ADGRG4: variants seen among roughly 807,000 people sequenced by gnomAD.
ADGRG4 encodes G protein-coupled receptor 112.
In ADGRG4, 122 loss-of-function variants were observed where a neutral mutation model predicts 126.2. That is an observed-to-expected ratio of 0.97 (90% CI 0.83 to 1.12). ADGRG4 has a LOEUF of 1.12. ADGRG4 is among the 50% of genes most tolerant of loss of function. ADGRG4 has a pLI of 0.00. For synonymous variants in ADGRG4, 943 were observed against 838.7 expected (o/e 1.12, Z -2.15); for missense variants, 2,481 against 2,251.8 (o/e 1.10, Z -2.06).
chrX:136,349,398 A>G lies in ADGRG4; in HGVS notation c.5692A>G (p.Thr1898Ala). 3 of 1,200,994 alleles carry G rather than the reference A, an allele frequency of 2.5e-6. No homozygotes were observed. Among genetic ancestry groups the G allele is most frequent in the Non-Finnish European group, 3.4e-6 (3 of 886,384 alleles). ...AEGSQFPIST[T>A]INVPTSNEME... is the part of the protein sequence containing the mutation. ...AGGTTCTCAGTTTCCAATTTCCACC[A>G]CTATTAATGTACCTACATCCAATGA... Residue 1898 changes from threonine to alanine, a missense_variant, in exon 6 of 26, where the codon ACT becomes GCT. Coordinates refer to ENST00000394143, the MANE Select transcript of ADGRG4 (RefSeq NM_153834.4).
rs1603299985 is a variant in ADGRG4 at position 136,395,409 on chromosome X, T to C, written c.8100T>C (p.Asn2700=). The C allele has an allele frequency of 2.5e-6, 3 of 1,198,433 alleles. No homozygotes were observed. Among genetic ancestry groups the C allele is most frequent in the Non-Finnish European group, 3.4e-6 (3 of 884,455 alleles). Residue 2700 remains asparagine (N), a synonymous_variant, in exon 19 of 26, where the codon AAT becomes AAC. Transcript: ENST00000394143. The stretch of plus-strand genomic sequence containing the variant: ...CTACAGATGGGCTGGGTGGATGGAA[T>C]TCGTCAGGCTGTAAAGTAAAGGAAA... ...FENNNGLGGW[N]SSGCKVKETN...
chrX:136,383,041 G>A (rs1220940342), intron 15 of ADGRG4, among the ~76,000 whole-genome samples: 3 of 110,506 alleles, frequency 2.7e-5, no homozygotes, highest in African/African-American at 1.0e-4. Context: ...GGGAAAAAAA[G>A]TACCATATAT....
chrX:136,315,171 G>A (rs1286992779), intron 4 of ADGRG4, among the ~76,000 whole-genome samples: 2 of 110,167 alleles, frequency 1.8e-5, no homozygotes, highest in Non-Finnish European at 3.8e-5. Flanking sequence ...GAAAGTGTGG[G>A]CAGTGGGTGG....
At chrX:136,385,399 A>T (rs141919505) in intron 15 of ADGRG4, among the ~76,000 whole-genome samples, 1,796 of 112,196 alleles carry the variant, frequency 0.016, 30 homozygotes, top group African/African-American at 0.055. Flanking sequence ...CCTTAAATAC[A>T]CACAATAAAA....
intron 21 of ADGRG4, among the ~76,000 whole-genome samples, chrX:136,402,112 G>C (rs768099739): frequency 8.9e-6 from 1 of 112,185 alleles, no homozygotes; most frequent in South Asian, 3.8e-4. Context: ...AGGAAAATAG[G>C]TATTAATATC....
intron 16 of ADGRG4, among the ~76,000 whole-genome samples, chrX:136,390,479 G>A (rs1486180985): frequency 1.8e-5 from 2 of 111,599 alleles, no homozygotes; most frequent in Non-Finnish European, 3.8e-5. Flanking sequence ...GGGGCTCTGG[G>A]TGCATAGAAG....
chrX:136,343,932 C>T lies in ADGRG4; in HGVS notation c.686-460C>T, dbSNP rs376708349. ...AAAGTGATGGAGCCAGCATTTAAAA[C>T]TAATCCATTTGAATCTAAGGTTGAT... On this transcript the variant is annotated intron_variant, in intron 5 of 25. Transcript: ENST00000394143. Among the ~76,000 whole-genome samples, 3 of 112,018 alleles carry T rather than the reference C, an allele frequency of 2.7e-5. No homozygotes were observed. The East Asian group carries it at 8.4e-4, about 31-fold the overall frequency.
chrX:136,348,873 A>G lies in ADGRG4; in HGVS notation c.5167A>G (p.Asn1723Asp), dbSNP rs772858032. ...TTLGILSGIT[N>D]RSLSTVNSGT... ...TTTGGGCATATTATCTGGGATTACT[A>G]ACAGGTCCCTATCTACTGTGAACAG... Residue 1723 changes from asparagine (N) to aspartate (D), a missense_variant, in exon 6 of 26, where the codon AAC (asparagine) becomes GAC (aspartate). Physicochemically the swap from Asn to Asp is conservative, Grantham distance 23. Transcript: ENST00000394143. 5 of 1,205,311 alleles carry G rather than the reference A, an allele frequency of 4.1e-6. No homozygotes were observed. In the African/African-American group the frequency reaches 8.8e-5, roughly 21 times the overall value.
rs779581627 is a variant in ADGRG4, at chrX:136,349,308, A to G, written c.5602A>G (p.Thr1868Ala). ...AATGGTTGAATTTCCAGTTCTGGGA[A>G]CAAGAATGACATCTAGTAATACCCA... ...SQMVEFPVLG[T>A]RMTSSNTQPL... Residue 1868 changes from threonine to alanine, a missense_variant, in exon 6 of 26, where the codon ACA (threonine) becomes GCA (alanine). Transcript: ENST00000394143. 56 of 1,207,195 alleles carry G rather than the reference A, an allele frequency of 4.6e-5. No individual in the cohort carries two copies. The South Asian group carries it at 8.1e-4, about 17-fold the overall frequency.
intron 18 of ADGRG4, among the ~76,000 whole-genome samples, chrX:136,394,861 C>T: frequency 1.8e-5 from 2 of 111,896 alleles, no homozygotes. Context: ...TAGTTCTAAA[C>T]CTGAGTGTGC....
At chrX:136,402,004 T>C (rs1309130757) in intron 21 of ADGRG4, among the ~76,000 whole-genome samples, 1 of 112,284 alleles carries the variant, frequency 8.9e-6, no homozygotes, top group East Asian at 2.8e-4. Context: ...GTGTGGTCTA[T>C]GTGGATACAT....
chrX:136,410,333 T>C (rs1244560985), intron 23 of ADGRG4, among the ~76,000 whole-genome samples: 1 of 111,713 alleles, frequency 9.0e-6, no homozygotes, highest in Non-Finnish European at 1.9e-5. Flanking sequence ...CTTCTGTTTG[T>C]CATCTTCCTC....
At chrX:136,364,812 T>A (rs1357349650) in intron 13 of ADGRG4, among the ~76,000 whole-genome samples, 1 of 111,809 alleles carries the variant, frequency 8.9e-6, no homozygotes, top group Non-Finnish European at 1.9e-5. Context: ...CAAAAGAGAT[T>A]CAAAATAAAG....
In ADGRG4 at chrX:136,388,010, C is replaced by T. The variant is rs1270137384; in HGVS notation, c.7911+136C>T. 1.1e-5 allele frequency: 6 copies of T among 555,545 alleles called. No individual in the cohort carries two copies. In the East Asian group the frequency reaches 2.2e-4, roughly 20 times the overall value. 45.8% of individuals were successfully genotyped at this position (555,545 alleles called of 1,213,427 possible). On this transcript the variant is annotated intron_variant, in intron 16 of 25. Transcript: ENST00000394143. ...ATTCCACAAGTCTTCCAACACAACC[C>T]CTGCCCCTTAACATGAATCAACGTC...
chrX:136,384,285 T>G (rs775156507), intron 15 of ADGRG4, among the ~76,000 whole-genome samples: 6 of 111,096 alleles, frequency 5.4e-5, no homozygotes, highest in African/African-American at 9.8e-5. Flanking sequence ...TACTTAGAGT[T>G]AATATTGTAC....
At chrX:136,362,721 A>G (rs933629141) in intron 12 of ADGRG4, among the ~76,000 whole-genome samples, 7 of 111,311 alleles carry the variant, frequency 6.3e-5, no homozygotes, top group Non-Finnish European at 1.3e-4. Flanking sequence ...TTGGGGGAAG[A>G]GATTTTTCTC....
intron 23 of ADGRG4, among the ~76,000 whole-genome samples, chrX:136,409,348 G>A (rs2075433371): frequency 8.9e-6 from 1 of 111,955 alleles, no homozygotes; most frequent in African/African-American, 3.2e-5. Flanking sequence ...AAAGGAAAAG[G>A]AAAGCTGTCA....
At chrX:136,390,742 G>C (rs1298798677) in intron 16 of ADGRG4, among the ~76,000 whole-genome samples, 1 of 111,575 alleles carries the variant, frequency 9.0e-6, no homozygotes, top group Non-Finnish European at 1.9e-5. Flanking sequence ...TTTGTAGTAA[G>C]GGAAATGAAA....
intron 5 of ADGRG4, among the ~76,000 whole-genome samples, chrX:136,341,374 C>A (rs747974303): frequency 1.8e-5 from 2 of 112,383 alleles, no homozygotes; most frequent in Non-Finnish European, 3.8e-5. Context: ...ATTGTGAACT[C>A]TTCTCTCAAC....
Sources: allele counts gnomAD v4.1 joint callset (sites outside exome capture counted in the v4.1 genomes callset), GRCh38; gene constraint gnomAD v4.1.1; transcripts MANE v1.5; gene names NCBI Gene and HGNC (gene_info 2026-07-23, HGNC 2026-07-21).